ULK4: variants seen among roughly 807,000 people sequenced by gnomAD.
ULK4 encodes the protein unc-51 like kinase 4.
In ULK4, 133 loss-of-function variants were observed where a neutral mutation model predicts 160.6. The observed-to-expected ratio is 0.83, with a 90% confidence interval of 0.72 to 0.96. The LOEUF (loss-of-function observed/expected upper bound fraction) is 0.96, where lower values mean the gene tolerates loss of function less well. Ranked by LOEUF, ULK4 falls within the 40% of genes least tolerant of loss-of-function variation. The pLI, the probability that ULK4 is intolerant of heterozygous loss-of-function variation, is 0.00. For synonymous variants in ULK4, 534 were observed against 539.8 expected (o/e 0.99, Z 0.15); for missense variants, 1,580 against 1,499.5 (o/e 1.05, Z -0.89).
At chr3:41,638,486 A>T (rs1272555013) in intron 30 of ULK4, among the ~76,000 whole-genome samples, 1 of 152,224 alleles carries the variant, frequency 6.6e-6, no homozygotes, top group Admixed American at 6.5e-5. Flanking sequence ...CATTGGCATC[A>T]CTGAAGAACC....
chr3:41,885,101 A>G lies in ULK4; in HGVS notation c.1578-1149T>C, dbSNP rs539147351. ...TGAACTCCTGAAAAACAATCCTCCC[A>G]TCTCAGCCTCCCAAAGTTCTGGGAT... On this transcript the variant is annotated intron_variant, in intron 16 of 36. Coordinates refer to ENST00000301831, the MANE Select transcript of ULK4 (RefSeq NM_017886.4). Among the ~76,000 whole-genome samples, 70 of 152,090 alleles carry G rather than the reference A, an allele frequency of 4.6e-4. 1 individual carries two copies. Among genetic ancestry groups the G allele is most frequent in the Admixed American group, 2.0e-3 (31 of 15,282 alleles).
intron 5 of ULK4, among the ~76,000 whole-genome samples, chr3:41,925,505 G>C (rs571212424): frequency 3.4e-4 from 51 of 152,194 alleles, no homozygotes; most frequent in Non-Finnish European, 4.6e-4. Flanking sequence ...GCTAGGTGCA[G>C]GAGTTTTTTT....
intron 35 of ULK4, among the ~76,000 whole-genome samples, chr3:41,310,731 G>A (rs571371723): frequency 4.6e-5 from 7 of 152,156 alleles, no homozygotes; most frequent in African/African-American, 1.2e-4. Context: ...AGTGGCTCAC[G>A]CCTGTAATCC....
intron 16 of ULK4, among the ~76,000 whole-genome samples, chr3:41,887,736 G>A (rs571506252): frequency 7.9e-5 from 12 of 151,258 alleles, no homozygotes; most frequent in South Asian, 2.1e-4. Flanking sequence ...TAGGAGAATC[G>A]CTTGAACCCA....
At chr3:41,614,899 A>G (rs2032883830) in intron 31 of ULK4, among the ~76,000 whole-genome samples, 1 of 152,138 alleles carries the variant, frequency 6.6e-6, no homozygotes, top group African/African-American at 2.4e-5. Flanking sequence ...CTGGCTGGGG[A>G]AGTGCCCCCT....
At chr3:41,486,158 T>C (rs944142099) in intron 32 of ULK4, among the ~76,000 whole-genome samples, 3 of 152,132 alleles carry the variant, frequency 2.0e-5, no homozygotes, top group Non-Finnish European at 2.9e-5. Context: ...CTTCCTATTA[T>C]ACCATAAATT....
intron 22 of ULK4, among the ~76,000 whole-genome samples, chr3:41,732,119 C>T (rs1463187558): frequency 6.6e-6 from 1 of 151,994 alleles, no homozygotes; most frequent in Non-Finnish European, 1.5e-5. Flanking sequence ...AAAGTGAAAA[C>T]AGACAAATGA....
chr3:41,456,187 G>C (rs922055795), intron 33 of ULK4, among the ~76,000 whole-genome samples: 4 of 152,216 alleles, frequency 2.6e-5, no homozygotes, highest in African/African-American at 9.7e-5. Context: ...TGGCATTGCA[G>C]ATGTGAGCCA....
chr3:41,349,117 T>C (rs913022802), intron 35 of ULK4, among the ~76,000 whole-genome samples: 4 of 152,214 alleles, frequency 2.6e-5, no homozygotes, highest in Non-Finnish European at 5.9e-5. Flanking sequence ...AGAGGATCTC[T>C]AGGCTCGGGC....
intron 35 of ULK4, among the ~76,000 whole-genome samples, chr3:41,395,290 T>C (rs1482338964): frequency 1.3e-5 from 2 of 150,812 alleles, no homozygotes; most frequent in African/African-American, 4.9e-5. Context: ...GGATTGTAAC[T>C]CACTGAAAAC....
chr3:41,394,671 C>T (rs1284955906), intron 35 of ULK4, among the ~76,000 whole-genome samples: 4 of 151,954 alleles, frequency 2.6e-5, no homozygotes, highest in Admixed American at 2.0e-4. Context: ...TTGAGAAATC[C>T]GAATTTGAAC....
intron 17 of ULK4, among the ~76,000 whole-genome samples, chr3:41,869,524 G>A (rs1337455281): frequency 1.3e-5 from 2 of 152,170 alleles, no homozygotes; most frequent in Non-Finnish European, 2.9e-5. Flanking sequence ...GAGGTGCAAT[G>A]AGCCAAGATT....
At chr3:41,527,932 C>T (rs944469882) in intron 32 of ULK4, among the ~76,000 whole-genome samples, 11 of 151,576 alleles carry the variant, frequency 7.3e-5, no homozygotes, top group African/African-American at 2.4e-4. Context: ...AAAATTTGAC[C>T]CTGGAGGACC....
chr3:41,903,274 G>T (rs1462725513), intron 12 of ULK4, among the ~76,000 whole-genome samples: 1 of 152,064 alleles, frequency 6.6e-6, no homozygotes, highest in Admixed American at 6.6e-5. Flanking sequence ...TAATCAATGG[G>T]AAAACTCTTA....
At chr3:41,315,039 A>G (rs1356752806) in intron 35 of ULK4, among the ~76,000 whole-genome samples, 1 of 152,218 alleles carries the variant, frequency 6.6e-6, no homozygotes, top group African/African-American at 2.4e-5. Context: ...AAATAACAAT[A>G]AAACCATGCA....
At chr3:41,680,794 A>G (rs1441431901) in intron 29 of ULK4, among the ~76,000 whole-genome samples, 1 of 152,214 alleles carries the variant, frequency 6.6e-6, no homozygotes, top group Admixed American at 6.5e-5. Flanking sequence ...AGGTAGGCAT[A>G]TTAATGCATG....
At chr3:41,869,289 GCTA>G (rs1697008717) in intron 17 of ULK4, among the ~76,000 whole-genome samples, 1 of 152,004 alleles carries the variant, frequency 6.6e-6, no homozygotes, top group Admixed American at 6.6e-5. Context: ...TATATTATGG[GCTA>G]TACAGGGCAC....
chr3:41,338,130 G>A (rs865868314), intron 35 of ULK4, among the ~76,000 whole-genome samples: 1 of 152,336 alleles, frequency 6.6e-6, no homozygotes, highest in Middle Eastern at 3.4e-3. Context: ...TGTTTGAAAG[G>A]AAGTAAATAA....
chr3:41,739,063 T>C (rs2038149035), intron 22 of ULK4, among the ~76,000 whole-genome samples: 1 of 151,954 alleles, frequency 6.6e-6, no homozygotes, highest in African/African-American at 2.4e-5. Context: ...CAGCTCCTGA[T>C]AGAGAATAAA....
Sources: gnomAD v4.1 joint callset for allele counts (sites outside exome capture counted in the v4.1 genomes callset) on GRCh38, gnomAD v4.1.1 for gene constraint, MANE v1.5 for transcripts, NCBI Gene and HGNC (gene_info 2026-07-23, HGNC 2026-07-21) for gene names.